Variants in DNER observed in about 807,000 individuals in gnomAD.
DNER encodes delta and Notch-like epidermal growth factor-related receptor.
DNER carries 33 observed loss-of-function variants against 78.2 expected under a neutral mutation model. That is an observed-to-expected ratio of 0.42 (90% CI 0.32 to 0.56). The LOEUF is 0.56. DNER is among the 20% of genes least tolerant of loss of function. DNER has a pLI of 0.11. For missense variants in DNER, 918 were observed against 975.3 expected (o/e 0.94, Z 0.78); for synonymous variants, 417 against 384.8 (o/e 1.08, Z -0.98).
At chr2:229,544,902 C>T (rs923398572) in intron 5 of DNER, among the ~76,000 whole-genome samples, 1 of 152,188 alleles carries the variant, frequency 6.6e-6, no homozygotes, top group African/African-American at 2.4e-5. Flanking sequence ...TCTAAGATGA[C>T]AAGAACAGTA....
rs1696642696 is a variant in DNER at position 229,547,030 on chromosome 2, C to CCTTCACCACCAGAGTTAAGCGCAAAGCCA, written c.881_909dup (p.Val304TrpfsTer5). 1 of 1,614,072 alleles carries CCTTCACCACCAGAGTTAAGCGCAAAGCCA rather than the reference C, an allele frequency of 6.2e-7. No homozygotes were observed. Among genetic ancestry groups the CCTTCACCACCAGAGTTAAGCGCAAAGCCA allele is most frequent in the Non-Finnish European group, 8.5e-7 (1 of 1,180,034 alleles). On this transcript the variant is annotated stop_gained and frameshift_variant, in exon 5 of 13. Coordinates refer to ENST00000341772, the MANE Select transcript of DNER (RefSeq NM_139072.4). LOFTEE classifies it high-confidence loss of function. ...CTCTCCCCCGGCACACAGGTGCTGACCTTCACCACCAGAGTTAAGCGCAAA... is the reference window on the plus strand; with the variant it reads ...CTCTCCCCCGGCACACAGGTGCTGACCTTCACCACCAGAGTTAAGCGCAAAGCCACTTCACCACCAGAGTTAAGCGCAAA...
intron 1 of DNER, among the ~76,000 whole-genome samples, chr2:229,661,228 G>C (rs1030286718): frequency 6.6e-6 from 1 of 152,142 alleles, no homozygotes; most frequent in African/African-American, 2.4e-5. Flanking sequence ...ATAATTGTGT[G>C]TGTGTGTGTT....
chr2:229,520,939 A>C (rs1696082785), intron 5 of DNER, among the ~76,000 whole-genome samples: 1 of 152,248 alleles, frequency 6.6e-6, no homozygotes, highest in Admixed American at 6.5e-5. Flanking sequence ...GTCAGCTTGA[A>C]GAAAAGGCTC....
chr2:229,466,261 C>G (rs948923314), intron 7 of DNER, among the ~76,000 whole-genome samples: 31 of 152,126 alleles, frequency 2.0e-4, no homozygotes, highest in African/African-American at 6.8e-4. Context: ...TTCTGTCTTC[C>G]CTCCATCACA....
At chr2:229,600,099 C>T (rs1469022218) in intron 1 of DNER, among the ~76,000 whole-genome samples, 5 of 152,204 alleles carry the variant, frequency 3.3e-5, no homozygotes, top group African/African-American at 1.2e-4. Context: ...TTCAACATTT[C>T]CCAGATGATT....
intron 4 of DNER, among the ~76,000 whole-genome samples, chr2:229,562,068 C>T (rs1696972017): frequency 6.6e-6 from 1 of 152,166 alleles, no homozygotes; most frequent in African/African-American, 2.4e-5. Context: ...CCAACTACCT[C>T]TTGATGGTAA....
In DNER at chr2:229,649,289, C is replaced by A. The variant is rs78456725; in HGVS notation, c.277-57401G>T. Among the ~76,000 whole-genome samples, 7 of 152,248 alleles carry A rather than the reference C, an allele frequency of 4.6e-5. No homozygotes were observed. The East Asian group carries it at 1.3e-3, about 29-fold the overall frequency. On this transcript the variant is annotated intron_variant, in intron 1 of 12. Transcript: ENST00000341772. Reference sequence around the variant, plus strand: ...ATAAGCTAATACCAAAGATTGACTGCAAAGATGCTTTGGAAATTTTAACTA... The same window carrying A: ...ATAAGCTAATACCAAAGATTGACTGAAAAGATGCTTTGGAAATTTTAACTA...
At chr2:229,519,419 A>G (rs968377582) in intron 5 of DNER, among the ~76,000 whole-genome samples, 2 of 152,146 alleles carry the variant, frequency 1.3e-5, no homozygotes, top group African/African-American at 4.8e-5. Context: ...TATCCCAGTG[A>G]CATCAGTATC....
intron 1 of DNER, among the ~76,000 whole-genome samples, chr2:229,611,625 C>G (rs1698050348): frequency 6.6e-6 from 1 of 152,178 alleles, no homozygotes; most frequent in Non-Finnish European, 1.5e-5. Context: ...GCAAAGCATG[C>G]AACTGACACA....
Position 229,529,552 on chromosome 2 carries a change from C to A in DNER, c.994-16616G>T, listed in dbSNP as rs1486191305. ...CCAACATTAATACTTCTGGAATTAGCATTTAATTTGGCTAACGTGTATGAT... is the reference window on the plus strand; with the variant it reads ...CCAACATTAATACTTCTGGAATTAGAATTTAATTTGGCTAACGTGTATGAT... On this transcript the variant is annotated intron_variant, in intron 5 of 12. Transcript: ENST00000341772. Among the ~76,000 whole-genome samples, 5 of 152,192 alleles carry A rather than the reference C, an allele frequency of 3.3e-5. No homozygotes were observed. In the East Asian group the frequency reaches 9.6e-4, roughly 29 times the overall value.
At chr2:229,580,516 G>A (rs1697373481) in intron 4 of DNER, among the ~76,000 whole-genome samples, 1 of 152,154 alleles carries the variant, frequency 6.6e-6, no homozygotes, top group Non-Finnish European at 1.5e-5. Flanking sequence ...AAAATAGTAG[G>A]CTATGGGCAG....
chr2:229,679,518 A>G (rs1241257224), intron 1 of DNER, among the ~76,000 whole-genome samples: 4 of 152,188 alleles, frequency 2.6e-5, no homozygotes, highest in Admixed American at 1.3e-4. Context: ...CAGAATGATT[A>G]TAGTCATTTG....
intron 7 of DNER, among the ~76,000 whole-genome samples, chr2:229,450,162 TGA>T (rs1305155314): frequency 1.3e-5 from 2 of 152,180 alleles, no homozygotes; most frequent in Non-Finnish European, 2.9e-5. Context: ...AGGTGACAGT[TGA>T]GAACTGTCAA....
At chr2:229,410,452 G>A (rs1693486214) in intron 9 of DNER, among the ~76,000 whole-genome samples, 1 of 152,208 alleles carries the variant, frequency 6.6e-6, no homozygotes, top group African/African-American at 2.4e-5. Context: ...GAGGCTGCCA[G>A]AGGAGAGATT....
chr2:229,426,528 C>T (rs1480494683), intron 8 of DNER, among the ~76,000 whole-genome samples: 1 of 150,484 alleles, frequency 6.6e-6, no homozygotes, highest in Non-Finnish European at 1.5e-5. Context: ...CAAATTCTGG[C>T]TAAACTCACT....
chr2:229,695,245 G>T (rs1196750561), intron 1 of DNER, among the ~76,000 whole-genome samples: 1 of 152,164 alleles, frequency 6.6e-6, no homozygotes. Context: ...TTTATTAGCA[G>T]CATGAGAATG....
chr2:229,653,863 C>A (rs1009708098), intron 1 of DNER, among the ~76,000 whole-genome samples: 3 of 152,206 alleles, frequency 2.0e-5, no homozygotes, highest in African/African-American at 4.8e-5. Context: ...GGGCTTAGTA[C>A]AGGCTAATGG....
chr2:229,393,307 A>C (rs1693057318), intron 10 of DNER, among the ~76,000 whole-genome samples: 1 of 152,046 alleles, frequency 6.6e-6, no homozygotes, highest in Non-Finnish European at 1.5e-5. Context: ...ACATGCCTAT[A>C]ATCCCAACTA....
intron 6 of DNER, among the ~76,000 whole-genome samples, chr2:229,486,455 T>C (rs992006698): frequency 2.0e-5 from 3 of 151,586 alleles, no homozygotes; most frequent in African/African-American, 7.3e-5. Flanking sequence ...ATCTAACAAG[T>C]AAATAGACAA....
Sources: allele counts gnomAD v4.1 joint callset (sites outside exome capture counted in the v4.1 genomes callset), GRCh38; gene constraint gnomAD v4.1.1; transcripts MANE v1.5; gene names NCBI Gene and HGNC (gene_info 2026-07-23, HGNC 2026-07-21).